The following SULF1 variants were observed in gnomAD, a reference collection of about 807,000 sequenced individuals.
The protein encoded by SULF1 is sulfatase 1, also known as extracellular sulfatase Sulf-1.
In SULF1, 46 loss-of-function variants were observed where a neutral mutation model predicts 110.5. That is an observed-to-expected ratio of 0.42 (90% CI 0.33 to 0.53). SULF1 has a LOEUF of 0.53. Among genes scored for constraint, SULF1 ranks in the 20% least tolerant of loss-of-function variants. The pLI is 0.12. For synonymous variants in SULF1, 371 were observed against 387.1 expected, an observed-to-expected ratio of 0.96 and a Z score of 0.49; for missense variants, 941 against 1,094.2, an observed-to-expected ratio of 0.86 and a Z score of 1.98.
chr8:69,493,898 C>T (rs28488313), intron 1 of SULF1, among the ~76,000 whole-genome samples: 22,042 of 152,104 alleles, frequency 0.14, 1,970 homozygotes, highest in Non-Finnish European at 0.21. Context: ...TGAGAAACTG[C>T]TTTTCAACAA....
At chr8:69,491,652 G>A (rs1191337579), upstream of SULF1, among the ~76,000 whole-genome samples, 5 of 152,122 alleles carry the variant, frequency 3.3e-5, no homozygotes, top group Non-Finnish European at 5.9e-5. Flanking sequence ...GCATATATCC[G>A]ACAACCGTCC....
At chr8:69,510,463 A>G (rs533584894) in intron 3 of SULF1, among the ~76,000 whole-genome samples, 1 of 152,332 alleles carries the variant, frequency 6.6e-6, no homozygotes, top group African/African-American at 2.4e-5. Flanking sequence ...TGAAGATTAG[A>G]TGATTTCAAA....
chr8:69,641,208 G>A (rs1811446851), intron 22 of SULF1: 1 of 192,642 alleles, frequency 5.2e-6, no homozygotes, highest in East Asian at 1.2e-4. Flanking sequence ...ATTTGGTGGG[G>A]GAGCTTCATG....
At position 69,603,568 on chromosome 8, in the gene SULF1, G is replaced by A. The variant is rs770879494; in HGVS notation, c.1191-32G>A. ...GATCCATTTGGAAAAACGTCCAGAT[G>A]CCAAAAGTAAATATTATCATTTTGC... On this transcript the variant is annotated intron_variant, in intron 11 of 22. Transcript: ENST00000402687. 10 of 1,590,272 alleles carry A rather than the reference G, an allele frequency of 6.3e-6. No homozygotes were observed. In the African/African-American group the frequency reaches 9.4e-5, roughly 15 times the overall value.
At chr8:69,529,653 G>A (rs986121471) in intron 3 of SULF1, among the ~76,000 whole-genome samples, 1 of 152,158 alleles carries the variant, frequency 6.6e-6, no homozygotes, top group Non-Finnish European at 1.5e-5. Flanking sequence ...ACTTACTAGA[G>A]TAGGAGGATC....
chr8:69,483,290 T>C (rs1319238503), intron 1 of SULF1, among the ~76,000 whole-genome samples: 1 of 152,200 alleles, frequency 6.6e-6, no homozygotes, highest in Non-Finnish European at 1.5e-5. Context: ...ATTAATAACC[T>C]TTATTTATAT....
chr8:69,503,721 G>T (rs1175708965), intron 3 of SULF1, among the ~76,000 whole-genome samples: 1 of 152,112 alleles, frequency 6.6e-6, no homozygotes, highest in Non-Finnish European at 1.5e-5. Context: ...TTCTGAAGAG[G>T]TCCCTGAGGA....
chr8:69,525,699 C>T (rs1396795368), intron 3 of SULF1, among the ~76,000 whole-genome samples: 1 of 152,146 alleles, frequency 6.6e-6, no homozygotes, highest in East Asian at 1.9e-4. Context: ...ATAATTAATT[C>T]AACAAATTTC....
At chr8:69,584,189 GAAAGA>G (rs997260817) in intron 6 of SULF1, among the ~76,000 whole-genome samples, 3 of 152,182 alleles carry the variant, frequency 2.0e-5, no homozygotes, top group Non-Finnish European at 4.4e-5. Flanking sequence ...AATCGAAGTG[GAAAGA>G]CCCTCCATCC....
intron 22 of SULF1, among the ~76,000 whole-genome samples, chr8:69,644,800 G>A (rs58262672): frequency 0.014 from 2,090 of 150,264 alleles, 59 homozygotes; most frequent in African/African-American, 0.049. Context: ...ACTCAAGTCC[G>A]TCTTCTAAAC....
chr8:69,628,184 G>C lies in SULF1; in HGVS notation c.2056G>C (p.Glu686Gln), dbSNP rs781668843. The C allele has an allele frequency of 3.1e-6, 5 of 1,613,654 alleles. No homozygotes were observed. In the Admixed American group the frequency reaches 8.3e-5, roughly 27 times the overall value. The change falls in exon 18 of 23, where the codon GAG (glutamate) becomes CAG (glutamine). Residue 686 changes from glutamate (E) to glutamine (Q), a missense_variant. This residue lies in a region of SULF1 where 822 missense variants were observed against 934.3 expected (regional missense o/e 0.88). Coordinates refer to ENST00000402687, the MANE Select transcript of SULF1 (RefSeq NM_001128205.2). ...SCSKQSYYNK[E>Q]KGVKKQEKLK... ...TCTCTCCTGCAGCTATTACAATAAAGAGAAAGGTGTAAAAAAGCAAGAGAA... is the reference window on the plus strand; with the variant it reads ...TCTCTCCTGCAGCTATTACAATAAACAGAAAGGTGTAAAAAAGCAAGAGAA...
At chr8:69,629,093 G>T (rs931378657) in intron 18 of SULF1, among the ~76,000 whole-genome samples, 1 of 152,128 alleles carries the variant, frequency 6.6e-6, no homozygotes, top group African/African-American at 2.4e-5. Flanking sequence ...TAGTGCGGTG[G>T]TGCAATCTTG....
chr8:69,555,392 T>C (rs909525072), intron 3 of SULF1, among the ~76,000 whole-genome samples: 1 of 152,192 alleles, frequency 6.6e-6, no homozygotes, highest in African/African-American at 2.4e-5. Flanking sequence ...GCGTGGTGGC[T>C]CACGCCTGTA....
intron 3 of SULF1, among the ~76,000 whole-genome samples, chr8:69,507,886 A>C (rs1382771343): frequency 6.6e-6 from 1 of 152,198 alleles, no homozygotes; most frequent in Non-Finnish European, 1.5e-5. Context: ...CAAATTATTC[A>C]AGAACCTTGT....
rs117437861 is a variant in SULF1 at position 69,514,564 on chromosome 8, T to C, written c.-134+12596T>C. Among the ~76,000 whole-genome samples, 94 of 152,322 alleles carry C rather than the reference T, an allele frequency of 6.2e-4. 2 individuals carry two copies. The East Asian group carries it at 0.016, about 27-fold the overall frequency. Reference sequence around the variant, plus strand: ...TCTCAAATCTCATGTCCTTGTCACATTTCAAAATATAATCATTCCTTCCCA... The same window carrying C: ...TCTCAAATCTCATGTCCTTGTCACACTTCAAAATATAATCATTCCTTCCCA... On this transcript the variant is annotated intron_variant, in intron 3 of 22. Transcript: ENST00000402687.
chr8:69,599,723 C>A (rs887632131), intron 8 of SULF1, among the ~76,000 whole-genome samples: 1 of 152,096 alleles, frequency 6.6e-6, no homozygotes, highest in Non-Finnish European at 1.5e-5. Context: ...AAATAATTCT[C>A]AGGGTGAGAA....
chr8:69,522,095 G>A (rs1002311101), intron 3 of SULF1, among the ~76,000 whole-genome samples: 3 of 151,550 alleles, frequency 2.0e-5, no homozygotes, highest in Non-Finnish European at 4.4e-5. Context: ...CTGTTGCCCA[G>A]GCTGGAGTGC....
chr8:69,573,700 T>C (rs1805403961), intron 5 of SULF1, among the ~76,000 whole-genome samples: 1 of 152,212 alleles, frequency 6.6e-6, no homozygotes, highest in Non-Finnish European at 1.5e-5. Flanking sequence ...TTTCACCCTC[T>C]TTCCACTTCT....
At chr8:69,526,499 T>G (rs775307626) in intron 3 of SULF1, among the ~76,000 whole-genome samples, 1 of 151,334 alleles carries the variant, frequency 6.6e-6, no homozygotes, top group African/African-American at 2.4e-5. Flanking sequence ...TAGTAGCTCA[T>G]GCCTATAATC....
Sources: allele counts gnomAD v4.1 joint callset (sites outside exome capture counted in the v4.1 genomes callset), GRCh38; gene constraint gnomAD v4.1.1; regional missense constraint gnomAD v4.1.1; transcripts MANE v1.5; gene names NCBI Gene and HGNC (gene_info 2026-07-23, HGNC 2026-07-21).